The following HDC variants were observed in gnomAD, a reference collection of about 807,000 sequenced individuals.
HDC encodes the protein histidine decarboxylase.
A neutral mutation model predicts 64.4 loss-of-function variants in HDC; 27 were observed. The observed-to-expected ratio is 0.42, with a 90% CI of 0.31 to 0.58. The LOEUF (loss-of-function observed/expected upper bound fraction) is 0.58, where lower values mean the gene tolerates loss of function less well. Ranked by LOEUF, HDC falls within the 20% of genes least tolerant of loss-of-function variation. The pLI, the probability that HDC is intolerant of heterozygous loss-of-function variation, is 0.16. For missense variants in HDC, 711 were observed against 833.9 expected (o/e 0.85, Z 1.81); for synonymous variants, 305 against 314.2 (o/e 0.97, Z 0.31).
At chr15:50,257,076 G>A (rs529471053) in intron 4 of HDC, among the ~76,000 whole-genome samples, 2 of 152,348 alleles carry the variant, frequency 1.3e-5, no homozygotes, top group Admixed American at 6.5e-5. Flanking sequence ...GAGAGAAAGA[G>A]AAGTCCTCTC....
intron 2 of HDC, 120 bp downstream of exon 2, chr15:50,263,115 C>T: frequency 1.0e-6 from 1 of 987,868 alleles, no homozygotes. Flanking sequence ...TGTTGGTGGC[C>T]AAGTGGCTGA....
chr15:50,247,971 C>G (rs1377035133), intron 10 of HDC, among the ~76,000 whole-genome samples: 1 of 152,220 alleles, frequency 6.6e-6, no homozygotes. Context: ...AAACCAGACT[C>G]TGGGGCCAAC....
chr15:50,251,833 G>GAAA (rs1055493584), intron 9 of HDC, among the ~76,000 whole-genome samples: 3 of 145,118 alleles, frequency 2.1e-5, no homozygotes, highest in East Asian at 2.0e-4. Context: ...CTCTGTCTCA[G>GAAA]AAAAAAAAAA....
intron 1 of HDC, 170 bp from the exon 2 acceptor site, chr15:50,263,577 G>A (rs545795165): frequency 1.5e-4 from 98 of 671,986 alleles, no homozygotes; most frequent in Admixed American, 6.3e-4. Flanking sequence ...TGAGGCAGGC[G>A]GATCACGAGG....
At chr15:50,264,164 G>A (rs998994868) in intron 1 of HDC, among the ~76,000 whole-genome samples, 1 of 152,036 alleles carries the variant, frequency 6.6e-6, no homozygotes, top group Non-Finnish European at 1.5e-5. Context: ...GCCCAGTTCC[G>A]ATAAAGGACA....
intron 4 of HDC, among the ~76,000 whole-genome samples, chr15:50,256,046 C>T (rs2853766): frequency 0.18 from 27,702 of 152,142 alleles, 3,068 homozygotes; most frequent in East Asian, 0.31. Flanking sequence ...CTCGTTCTTC[C>T]GCTTATCAGC....
chr15:50,245,274 G>A (rs762646621), intron 10 of HDC, among the ~76,000 whole-genome samples: 6 of 152,156 alleles, frequency 3.9e-5, no homozygotes, highest in Admixed American at 1.3e-4. Flanking sequence ...TATTGTCTAC[G>A]GTAGCTCTTG....
chr15:50,248,324 C>A lies in HDC; in HGVS notation c.1061G>T (p.Ser354Ile). The stretch of plus-strand genomic sequence containing the variant: ...GAGTTTAACAGAGCGAAACCGTCGG[C>A]TCAGGGGGATCTGCCAGTGCTAGAA... ...TDFMHWQIPLSRRFRSVKLWF... is the reference protein window; with the variant it reads ...TDFMHWQIPLIRRFRSVKLWF... The change falls in exon 10 of 12, where the codon AGC becomes ATC. Residue 354 changes from serine to isoleucine, a missense_variant. Around this residue, in one of 3 missense-constraint regions of HDC, gnomAD observed 483 missense variants for 540.9 expected, o/e 0.89. Transcript: ENST00000267845. This position sits in a 1 kb window ranked among gnomAD's most constrained non-coding sequence, Gnocchi z 4.3. 1 of 1,614,016 alleles carries A rather than the reference C, an allele frequency of 6.2e-7. No individual in the cohort carries two copies. The highest frequency in any genetic ancestry group is 8.5e-7 in the Non-Finnish European group (1 of 1,179,882).
intron 10 of HDC, among the ~76,000 whole-genome samples, chr15:50,247,556 T>C (rs1264920754): frequency 3.3e-5 from 5 of 152,176 alleles, no homozygotes; most frequent in Admixed American, 2.6e-4. Flanking sequence ...CTTTTATCAA[T>C]GGCTTTGTCT....
In HDC at chr15:50,254,569, G is replaced by A. The variant is rs1374123756; in HGVS notation, c.537C>T (p.Ser179=). ...AGGCCACGAGTCGGGCATTTAGGCA[G>A]GACTCATCAGCATCGGGCTCAGACG... ...MKTSEPDADE[S]CLNARLVAYA... is the part of the protein sequence containing the mutation. Residue 179 remains serine, a synonymous_variant, in exon 5 of 12, where the codon TCC becomes TCT. Coordinates refer to ENST00000267845, the MANE Select transcript of HDC (RefSeq NM_002112.4). The A allele has an allele frequency of 1.9e-6, 3 of 1,614,190 alleles. No individual in the cohort carries two copies. The highest frequency in any genetic ancestry group is 2.2e-5 in the South Asian group (2 of 91,080).
intron 4 of HDC, among the ~76,000 whole-genome samples, chr15:50,255,749 A>G (rs752764866): frequency 2.0e-5 from 3 of 152,200 alleles, no homozygotes; most frequent in African/African-American, 4.8e-5. Flanking sequence ...GCAGTGAGCC[A>G]TGATGGCTCC....
chr15:50,256,189 C>T (rs889124097), intron 4 of HDC, among the ~76,000 whole-genome samples: 1 of 152,220 alleles, frequency 6.6e-6, no homozygotes, highest in Non-Finnish European at 1.5e-5. Context: ...GTACCGCAGA[C>T]ATTTAGCATG....
chr15:50,242,427 C>A lies in HDC; in HGVS notation c.1822G>T (p.Gly608Cys). The change falls in exon 12 of 12, where the codon GGC becomes TGC. Residue 608 changes from glycine to cysteine, a missense_variant. Physicochemically the swap from Gly to Cys is radical, Grantham distance 159. This residue lies in a region of HDC where 483 missense variants were observed against 540.9 expected (regional missense o/e 0.89). Coordinates refer to ENST00000267845, the MANE Select transcript of HDC (RefSeq NM_002112.4). ...GAAAAGATTCTGACCCTGGAGGAGC[C>A]CCCATTCTTCACAGAGGCCTCTGTG... Reference protein sequence around the residue: ...LPTEASVKNGGSSRVRIFSRF... With the variant: ...LPTEASVKNGCSSRVRIFSRF... The A allele has an allele frequency of 1.2e-6, 2 of 1,614,112 alleles. No individual in the cohort carries two copies. Among genetic ancestry groups the A allele is most frequent in the Non-Finnish European group, 1.7e-6 (2 of 1,180,028 alleles).
rs143181732 is a variant in HDC at position 50,248,774 on chromosome 15, A to G, written c.1042-431T>C. 6.6e-6 allele frequency among the ~76,000 whole-genome samples: 1 copy of G among 152,352 alleles called. No homozygotes were observed. Among genetic ancestry groups the G allele is most frequent in the East Asian group, 1.9e-4 (1 of 5,192 alleles). ...ATGTAAAGTATGGTAGTTAGAGCAC[A>G]GACACTAGAGCCCTGCAGACCTAGG... On this transcript the variant is annotated intron_variant, in intron 9 of 11. Coordinates refer to ENST00000267845, the MANE Select transcript of HDC (RefSeq NM_002112.4). This position sits in a 1 kb window ranked among gnomAD's most constrained non-coding sequence, Gnocchi z 4.3.
At chr15:50,244,362 G>A (rs1233276333) in intron 10 of HDC, among the ~76,000 whole-genome samples, 1 of 136,466 alleles carries the variant, frequency 7.3e-6, no homozygotes, top group Non-Finnish European at 1.5e-5. Context: ...GAGGCATGTT[G>A]CACAATCAAA....
In HDC at chr15:50,242,754, C is replaced by A; in HGVS notation, c.1495G>T (p.Ala499Ser). The change falls in exon 12 of 12, where the codon GCC becomes TCC. Residue 499 changes from alanine (A) to serine (S), a missense_variant. By Grantham distance (99) the Ala-to-Ser change is moderately conservative. This residue lies in a region of HDC where 483 missense variants were observed against 540.9 expected (regional missense o/e 0.89). Transcript: ENST00000267845. Reference protein sequence around the residue: ...NLISQIRGARAWACGTSLQSV... With the variant: ...NLISQIRGARSWACGTSLQSV... ...TGAAGGGACGTTCCACAGGCCCAGG[C>A]TCTGGCACCCCTGATTTGGGAGATG... 1 of 1,614,036 alleles carries A rather than the reference C, an allele frequency of 6.2e-7. No individual in the cohort carries two copies. The highest frequency in any genetic ancestry group is 8.5e-7 in the Non-Finnish European group (1 of 1,180,020).
chr15:50,251,831 C>CA (rs749169344), intron 9 of HDC, among the ~76,000 whole-genome samples: 13,038 of 123,376 alleles, frequency 0.11, 692 homozygotes, highest in South Asian at 0.16. Flanking sequence ...GACTCTGTCT[C>CA]AGAAAAAAAA....
At chr15:50,243,508 G>C (rs976369431) in intron 10 of HDC, among the ~76,000 whole-genome samples, 1 of 152,200 alleles carries the variant, frequency 6.6e-6, no homozygotes, top group Non-Finnish European at 1.5e-5. Context: ...CCAGAACCCA[G>C]AAGGCATGTG....
At chr15:50,257,035 T>C (rs754495653) in intron 4 of HDC, among the ~76,000 whole-genome samples, 3 of 152,226 alleles carry the variant, frequency 2.0e-5, no homozygotes, top group Non-Finnish European at 1.5e-5. Context: ...TTAATTGCTC[T>C]CACTGCAAGG....
Sources: gnomAD v4.1 joint callset for allele counts (sites outside exome capture counted in the v4.1 genomes callset) on GRCh38, gnomAD v4.1.1 for gene constraint, gnomAD v4.1.1 regional missense constraint, Gnocchi (gnomAD v3.1) non-coding constraint, MANE v1.5 for transcripts, NCBI Gene and HGNC (gene_info 2026-07-23, HGNC 2026-07-21) for gene names.